SIPA1L1: variants seen among roughly 807,000 people sequenced by gnomAD.
The protein encoded by SIPA1L1 is signal-induced proliferation-associated 1-like protein 1.
Under a neutral mutation model 162.7 loss-of-function variants are expected in SIPA1L1, and 26 were observed. The observed-to-expected ratio is 0.16, with a 90% confidence interval of 0.12 to 0.22. The LOEUF (loss-of-function observed/expected upper bound fraction) is 0.22. Among genes scored for constraint, SIPA1L1 ranks in the 10% least tolerant of loss-of-function variants. SIPA1L1 has a pLI of 1.00. For missense variants in SIPA1L1, 1,874 were observed against 2,241.0 expected (o/e 0.84, Z 3.31); for synonymous variants, 829 against 837.4 (o/e 0.99, Z 0.17).
intron 2 of SIPA1L1, among the ~76,000 whole-genome samples, chr14:71,442,000 C>T (rs1185402354): frequency 2.0e-5 from 3 of 151,354 alleles, no homozygotes; most frequent in South Asian, 2.1e-4. Flanking sequence ...GGTGAAACCT[C>T]GTCTTCACTA....
intron 4 of SIPA1L1, among the ~76,000 whole-genome samples, chr14:71,556,497 G>A (rs2056364595): frequency 1.3e-5 from 2 of 152,324 alleles, no homozygotes; most frequent in Admixed American, 6.5e-5. Flanking sequence ...CCAGACTTCT[G>A]ACTGACCAAC....
At chr14:71,343,151 C>T (rs1267994891) in intron 2 of SIPA1L1, among the ~76,000 whole-genome samples, 1 of 152,156 alleles carries the variant, frequency 6.6e-6, no homozygotes, top group Non-Finnish European at 1.5e-5. Flanking sequence ...TCATGTTGAC[C>T]TGCTTAAGAG....
Position 71,618,834 on chromosome 14 carries a change from A to G in SIPA1L1, c.1576A>G (p.Met526Val), listed in dbSNP as rs1567324763. The G allele has an allele frequency of 6.2e-7, 1 of 1,614,066 alleles. No homozygotes were observed. Among genetic ancestry groups the G allele is most frequent in the Non-Finnish European group, 8.5e-7 (1 of 1,179,938 alleles). The change falls in exon 6 of 24, where the codon ATG (methionine) becomes GTG (valine). Residue 526 changes from methionine (M) to valine (V), a missense_variant. Physicochemically the swap from Met to Val is conservative, Grantham distance 21. Around this residue, in one of 5 missense-constraint regions of SIPA1L1, gnomAD observed 685 missense variants for 828.0 expected, o/e 0.83. Coordinates refer to ENST00000381232, the MANE Select transcript of SIPA1L1 (RefSeq NM_001386936.1). ...VSIRREKPDEMKENGSPYNYR... is the reference protein window; with the variant it reads ...VSIRREKPDEVKENGSPYNYR... ...CATTCGAAGGGAAAAACCAGATGAA[A>G]TGAAAGAAAATGGATCTCCGTACAA... is the stretch of plus-strand genomic sequence containing the variant.
chr14:71,665,834 G>A (rs2043952008), intron 10 of SIPA1L1, among the ~76,000 whole-genome samples: 1 of 152,132 alleles, frequency 6.6e-6, no homozygotes, highest in South Asian at 2.1e-4. Flanking sequence ...ATTAGGCACA[G>A]TAATATATTA....
At chr14:71,433,119 G>A (rs1447409794) in intron 2 of SIPA1L1, among the ~76,000 whole-genome samples, 1 of 152,178 alleles carries the variant, frequency 6.6e-6, no homozygotes. Context: ...AGGTTATTCT[G>A]CTGTATAGTG....
chr14:71,713,761 C>CCTG (rs1467327584), intron 17 of SIPA1L1, among the ~76,000 whole-genome samples: 2 of 152,204 alleles, frequency 1.3e-5, no homozygotes, highest in Non-Finnish European at 2.9e-5. Flanking sequence ...TGCCCTGTTC[C>CCTG]CTGCACCCTC....
At chr14:71,478,194 T>A (rs1357230431) in intron 2 of SIPA1L1, among the ~76,000 whole-genome samples, 1 of 152,224 alleles carries the variant, frequency 6.6e-6, no homozygotes, top group Non-Finnish European at 1.5e-5. Flanking sequence ...TTCAAGGTTT[T>A]AAATAACCAC....
intron 12 of SIPA1L1, among the ~76,000 whole-genome samples, chr14:71,678,370 G>A (rs1029598858): frequency 2.0e-5 from 3 of 152,192 alleles, no homozygotes; most frequent in South Asian, 2.1e-4. Flanking sequence ...AATTTTGTCA[G>A]AGGCCTTTTC....
At chr14:71,342,403 C>T (rs1008479271) in intron 2 of SIPA1L1, among the ~76,000 whole-genome samples, 6 of 152,204 alleles carry the variant, frequency 3.9e-5, no homozygotes, top group African/African-American at 1.4e-4. Context: ...AATCTCCAAA[C>T]TGCTTTCCAC....
intron 2 of SIPA1L1, among the ~76,000 whole-genome samples, chr14:71,371,655 C>G (rs1435594030): frequency 6.6e-6 from 1 of 152,180 alleles, no homozygotes; most frequent in Non-Finnish European, 1.5e-5. Flanking sequence ...CTGCCTCTGC[C>G]TCCCAAAGTG....
chr14:71,534,091 A>G (rs2053681613), intron 4 of SIPA1L1, among the ~76,000 whole-genome samples: 1 of 152,054 alleles, frequency 6.6e-6, no homozygotes, highest in South Asian at 2.1e-4. Flanking sequence ...AAAAATAAAA[A>G]TAAAAATAAG....
rs1185830334 is a variant in SIPA1L1, at chr14:71,525,620, GT to G, written c.-361-3691del. On this transcript the variant is annotated intron_variant, in intron 3 of 23. Coordinates refer to ENST00000381232, the MANE Select transcript of SIPA1L1 (RefSeq NM_001386936.1). ...CATGTCAGCTTTGAAAGTCAAGACT[GT>G]ATCATTGCCACGTTTGCTACTTCAC... Among the ~76,000 whole-genome samples, 5 of 152,328 alleles carry G rather than the reference GT, an allele frequency of 3.3e-5. No homozygotes were observed. In the East Asian group the frequency reaches 7.7e-4, roughly 24 times the overall value.
chr14:71,609,657 G>C (rs1481152741), intron 5 of SIPA1L1, among the ~76,000 whole-genome samples: 1 of 151,922 alleles, frequency 6.6e-6, no homozygotes, highest in Non-Finnish European at 1.5e-5. Context: ...AGTGGAGAAG[G>C]GGTTTCACCA....
chr14:71,503,026 G>A (rs1031377915), intron 2 of SIPA1L1, among the ~76,000 whole-genome samples: 2 of 152,108 alleles, frequency 1.3e-5, no homozygotes, highest in South Asian at 2.1e-4. Context: ...TGCAATTCTT[G>A]TATGATGTAA....
rs376017199 is a variant in SIPA1L1 at position 71,516,866 on chromosome 14, A to G, written c.-362+4021A>G. On this transcript the variant is annotated intron_variant, in intron 3 of 23. Coordinates refer to ENST00000381232, the MANE Select transcript of SIPA1L1 (RefSeq NM_001386936.1). ...CGGGCGCCTGTAATCCCAGCTACTCAGGAGGCGGAGTCAGGAGAATTGCTT... is the reference window on the plus strand; with the variant it reads ...CGGGCGCCTGTAATCCCAGCTACTCGGGAGGCGGAGTCAGGAGAATTGCTT... 3.2e-4 allele frequency among the ~76,000 whole-genome samples: 48 copies of G among 152,202 alleles called. 1 individual carries two copies. The East Asian group carries it at 7.5e-3, about 24-fold the overall frequency.
intron 2 of SIPA1L1, among the ~76,000 whole-genome samples, chr14:71,376,811 G>C (rs1340222459): frequency 6.6e-6 from 1 of 152,066 alleles, no homozygotes; most frequent in Admixed American, 6.5e-5. Flanking sequence ...ATTTAACCCT[G>C]AGTTGACACA....
intron 4 of SIPA1L1, among the ~76,000 whole-genome samples, chr14:71,553,155 A>G (rs549895279): frequency 6.6e-6 from 1 of 152,358 alleles, no homozygotes; most frequent in East Asian, 1.9e-4. Flanking sequence ...ATTTTTAAAA[A>G]ATCAGATAGA....
At chr14:71,538,723 C>T (rs1273091702) in intron 4 of SIPA1L1, among the ~76,000 whole-genome samples, 5 of 149,106 alleles carry the variant, frequency 3.4e-5, no homozygotes, top group African/African-American at 1.2e-4. Context: ...AATGCAGGGT[C>T]ATGGTGCTTT....
At chr14:71,676,838 G>A (rs568583839) in intron 12 of SIPA1L1, among the ~76,000 whole-genome samples, 1 of 152,056 alleles carries the variant, frequency 6.6e-6, no homozygotes, top group South Asian at 2.1e-4. Flanking sequence ...AGTATTCCAT[G>A]GTGTACATGT....
Sources: allele counts gnomAD v4.1 joint callset (sites outside exome capture counted in the v4.1 genomes callset), GRCh38; gene constraint gnomAD v4.1.1; regional missense constraint gnomAD v4.1.1; transcripts MANE v1.5; gene names NCBI Gene and HGNC (gene_info 2026-07-23, HGNC 2026-07-21).